Variants in BRIP1 observed in about 807,000 individuals in gnomAD.
BRIP1 encodes BRCA1 interacting DNA helicase 1, also known as Fanconi anemia group J protein.
Under a neutral mutation model 119.7 loss-of-function variants are expected in BRIP1, and 88 were observed. That is an observed-to-expected ratio of 0.74 (90% confidence interval 0.62 to 0.88). BRIP1 has a LOEUF of 0.88. BRIP1 is among the 40% of genes least tolerant of loss of function. The probability of loss-of-function intolerance (pLI) is 0.00; values close to 1 mark genes in which losing one functional copy is unlikely to be tolerated. For synonymous variants in BRIP1, 443 were observed against 496.5 expected, an observed-to-expected ratio of 0.89 and a Z score of 1.43; for missense variants, 1,259 against 1,455.4, an observed-to-expected ratio of 0.87 and a Z score of 2.20.
At chr17:61,819,265 C>CA (rs1480205252) in intron 6 of BRIP1, among the ~76,000 whole-genome samples, 1 of 151,630 alleles carries the variant, frequency 6.6e-6, no homozygotes, top group African/African-American at 2.4e-5. Context: ...AGGGAACCCT[C>CA]ATACACCGTT....
chr17:61,778,783 C>A lies in BRIP1; in HGVS notation c.1935+1478G>T, dbSNP rs1439085938. ...ACATTTCTCAGCAGGAACACTCTGG[C>A]ATTTGGAAAGCACAATTCTTAGTTA... is the stretch of plus-strand genomic sequence containing the variant. On this transcript the variant is annotated intron_variant, in intron 13 of 19. Transcript: ENST00000259008. This position sits in a 1 kb window ranked among gnomAD's most constrained non-coding sequence, Gnocchi z 4.4. Among the ~76,000 whole-genome samples the A allele has an allele frequency of 6.6e-6, 1 of 152,294 alleles. No homozygotes were observed. The highest frequency in any genetic ancestry group is 1.9e-4 in the East Asian group (1 of 5,170).
intron 19 of BRIP1, chr17:61,685,091 T>G (rs9303450): frequency 0.61 from 93,092 of 152,128 alleles, 29,127 homozygotes; most frequent in Admixed American, 0.74. Context: ...GGCCAGATAG[T>G]AATATTTAGG....
rs1335084782 is a variant in BRIP1 at position 61,768,788 on chromosome 17, A to G, written c.2097+7613T>C. Reference sequence around the variant, plus strand: ...TAGATTATATTATGTAGTAAAGATGAGGGGATTTTATGAACGTAATTAAGG... The same window carrying G: ...TAGATTATATTATGTAGTAAAGATGGGGGGATTTTATGAACGTAATTAAGG... On this transcript the variant is annotated intron_variant, in intron 14 of 19. Transcript: ENST00000259008. The surrounding 1 kb of genome is among the most constrained non-coding windows in gnomAD (Gnocchi z 5.0). Among the ~76,000 whole-genome samples, 1 of 152,164 alleles carries G rather than the reference A, an allele frequency of 6.6e-6. No individual in the cohort carries two copies. Among genetic ancestry groups the G allele is most frequent in the African/African-American group, 2.4e-5 (1 of 41,450 alleles).
Position 61,742,549 on chromosome 17 carries a change from T to C in BRIP1, c.2379+464A>G, listed in dbSNP as rs1362802369. Reference sequence around the variant, plus strand: ...TCACTTGAACACTCTGGGGCCATTGTAGGGTTATTAACTGGCCTAATTTCA... The same window carrying C: ...TCACTTGAACACTCTGGGGCCATTGCAGGGTTATTAACTGGCCTAATTTCA... On this transcript the variant is annotated intron_variant, in intron 16 of 19. Coordinates refer to ENST00000259008, the MANE Select transcript of BRIP1 (RefSeq NM_032043.3). This position sits in a 1 kb window ranked among gnomAD's most constrained non-coding sequence, Gnocchi z 4.7. 1.3e-5 allele frequency among the ~76,000 whole-genome samples: 2 copies of C among 152,150 alleles called. No homozygotes were observed. The highest frequency in any genetic ancestry group is 2.4e-5 in the African/African-American group (1 of 41,416).
rs2077592112 is a variant in BRIP1, at chr17:61,780,201, AC to A, written c.1935+59del. On this transcript the variant is annotated intron_variant, in intron 13 of 19. Coordinates refer to ENST00000259008, the MANE Select transcript of BRIP1 (RefSeq NM_032043.3). This position sits in a 1 kb window ranked among gnomAD's most constrained non-coding sequence, Gnocchi z 5.4. ...ACTTCAGGTATCTTCTAACTTGTTTACATAGTTATATTGAAGTAGAAACACT... is the reference window on the plus strand; with the variant it reads ...ACTTCAGGTATCTTCTAACTTGTTTAATAGTTATATTGAAGTAGAAACACT... The A allele has an allele frequency of 6.5e-7, 1 of 1,529,484 alleles. No individual in the cohort carries two copies. Among genetic ancestry groups the A allele is most frequent in the South Asian group, 1.2e-5 (1 of 85,402 alleles). 94.7% of individuals were successfully genotyped at this position (1,529,484 alleles called of 1,614,324 possible). A position where few individuals can be genotyped will look rare whatever the true frequency, so the allele number is the denominator to read the frequency against.
rs2078505078 is a variant in BRIP1, at chr17:61,832,310, A to T, written c.627+14791T>A. On this transcript the variant is annotated intron_variant, in intron 6 of 19. Transcript: ENST00000259008. The surrounding 1 kb of genome is among the most constrained non-coding windows in gnomAD (Gnocchi z 5.5). Reference sequence around the variant, plus strand: ...AATTATAACTCACCGAATAAAATGGAAAATCACAAGTCCATAAAGATATAA... The same window carrying T: ...AATTATAACTCACCGAATAAAATGGTAAATCACAAGTCCATAAAGATATAA... 6.6e-6 allele frequency among the ~76,000 whole-genome samples: 1 copy of T among 152,228 alleles called. No individual in the cohort carries two copies. The highest frequency in any genetic ancestry group is 1.9e-4 in the East Asian group (1 of 5,206).
In BRIP1 at chr17:61,752,688, T is replaced by C. The variant is rs2077147462; in HGVS notation, c.2098-8097A>G. On this transcript the variant is annotated intron_variant, in intron 14 of 19. Transcript: ENST00000259008. This position sits in a 1 kb window ranked among gnomAD's most constrained non-coding sequence, Gnocchi z 6.2. ...AATAGGCCAATCATCATACTTTTTC[T>C]TCATTAATCAGTGAGTTTAATAAAA... 6.6e-6 allele frequency among the ~76,000 whole-genome samples: 1 copy of C among 152,264 alleles called. No homozygotes were observed. Among genetic ancestry groups the C allele is most frequent in the African/African-American group, 2.4e-5 (1 of 41,474 alleles).
intron 6 of BRIP1, among the ~76,000 whole-genome samples, chr17:61,839,050 A>G (rs1325847710): frequency 6.6e-6 from 1 of 152,130 alleles, no homozygotes; most frequent in East Asian, 1.9e-4. Context: ...AGCAGAAACC[A>G]AAGTAATTTC....
rs879795653 is a variant in BRIP1, at chr17:61,844,715, A to G, written c.627+2386T>C. 6.6e-6 allele frequency among the ~76,000 whole-genome samples: 1 copy of G among 152,248 alleles called. No individual in the cohort carries two copies. Among genetic ancestry groups the G allele is most frequent in the African/African-American group, 2.4e-5 (1 of 41,472 alleles). On this transcript the variant is annotated intron_variant, in intron 6 of 19. Coordinates refer to ENST00000259008, the MANE Select transcript of BRIP1 (RefSeq NM_032043.3). This position sits in a 1 kb window ranked among gnomAD's most constrained non-coding sequence, Gnocchi z 4.7. ...TTCCTTATCTTGGTGTTAGAACCCT[A>G]TTTAGGTGGCTCCAGGACTGCAAAG... is the stretch of plus-strand genomic sequence containing the variant.
At chr17:61,777,177 A>G (rs2077547661) in intron 13 of BRIP1, among the ~76,000 whole-genome samples, 1 of 152,246 alleles carries the variant, frequency 6.6e-6, no homozygotes, top group Non-Finnish European at 1.5e-5. Context: ...TATTAATATT[A>G]TCTTTCCAAC....
Position 61,744,022 on chromosome 17 carries a change from G to C in BRIP1, c.2257+410C>G, listed in dbSNP as rs1173595720. On this transcript the variant is annotated intron_variant, in intron 15 of 19. Coordinates refer to ENST00000259008, the MANE Select transcript of BRIP1 (RefSeq NM_032043.3). The surrounding 1 kb of genome is among the most constrained non-coding windows in gnomAD (Gnocchi z 5.0). ...CTCTTCATGGATATGCTCTAACTTGGAATTGAGTTTTCAGTTATGTTTTGA... is the reference window on the plus strand; with the variant it reads ...CTCTTCATGGATATGCTCTAACTTGCAATTGAGTTTTCAGTTATGTTTTGA... Among the ~76,000 whole-genome samples the C allele has an allele frequency of 6.6e-6, 1 of 152,092 alleles. No homozygotes were observed. Among genetic ancestry groups the C allele is most frequent in the Non-Finnish European group, 1.5e-5 (1 of 68,022 alleles).
rs529444285 is a variant in BRIP1 at position 61,720,823 on chromosome 17, G to A, written c.2380-4760C>T. On this transcript the variant is annotated intron_variant, in intron 16 of 19. Transcript: ENST00000259008. The surrounding 1 kb of genome is among the most constrained non-coding windows in gnomAD (Gnocchi z 4.3). ...CTCAAGAAAAAACAAAGTATTTTCC[G>A]TGTACTCTATAACACTGTTAACTTT... Among the ~76,000 whole-genome samples, 21 of 152,106 alleles carry A rather than the reference G, an allele frequency of 1.4e-4. No homozygotes were observed. Among genetic ancestry groups the A allele is most frequent in the South Asian group, 1.0e-3 (5 of 4,800 alleles).
chr17:61,786,003 T>C (rs2077699877), intron 10 of BRIP1, among the ~76,000 whole-genome samples: 1 of 152,050 alleles, frequency 6.6e-6, no homozygotes, highest in South Asian at 2.1e-4. Flanking sequence ...TTAGGAAACA[T>C]ACATAAAGCT....
At chr17:61,731,816 T>C (rs1262521830) in intron 16 of BRIP1, among the ~76,000 whole-genome samples, 1 of 151,858 alleles carries the variant, frequency 6.6e-6, no homozygotes, top group Non-Finnish European at 1.5e-5. Flanking sequence ...TATTCCTTGC[T>C]AGACTATAAG....
Position 61,861,632 on chromosome 17 carries a change from A to C in BRIP1, c.-30-63T>G. The C allele has an allele frequency of 1.1e-6, 1 of 879,068 alleles. No homozygotes were observed. The highest frequency in any genetic ancestry group is 1.9e-6 in the Non-Finnish European group (1 of 525,518). 54.5% of individuals were successfully genotyped at this position (879,068 alleles called of 1,614,324 possible). A position where few individuals can be genotyped will look rare whatever the true frequency, so the allele number is the denominator to read the frequency against. ...CCTTACAAAGAAAACCAGAGAACCA[A>C]AACTAAGGGAGAAATCTGGAAACAG... On this transcript the variant is annotated intron_variant, in intron 1 of 19. Transcript: ENST00000259008. This position sits in a 1 kb window ranked among gnomAD's most constrained non-coding sequence, Gnocchi z 4.5.
chr17:61,820,715 C>G (rs561389241), intron 6 of BRIP1, among the ~76,000 whole-genome samples: 1 of 151,950 alleles, frequency 6.6e-6, no homozygotes, highest in Non-Finnish European at 1.5e-5. Context: ...TTTGGGAGAC[C>G]GAGGGGAGTG....
chr17:61,765,408 TA>T (rs1567798951), intron 14 of BRIP1, among the ~76,000 whole-genome samples: 33 of 17,232 alleles, frequency 1.9e-3, no homozygotes, highest in African/African-American at 2.4e-3. Flanking sequence ...TATATATATA[TA>T]TATATATATA....
chr17:61,839,030 G>A (rs1214053092), intron 6 of BRIP1, among the ~76,000 whole-genome samples: 1 of 151,888 alleles, frequency 6.6e-6, no homozygotes, highest in Non-Finnish European at 1.5e-5. Context: ...CAAAGACTAA[G>A]AAATGTTACA....
chr17:61,833,092 G>A (rs1384963476), intron 6 of BRIP1, among the ~76,000 whole-genome samples: 1 of 152,192 alleles, frequency 6.6e-6, no homozygotes, highest in Non-Finnish European at 1.5e-5. Flanking sequence ...CAAAGGTAAA[G>A]TTATCTTTCC....
Sources: gnomAD v4.1 joint callset for allele counts (sites outside exome capture counted in the v4.1 genomes callset) on GRCh38, gnomAD v4.1.1 for gene constraint, Gnocchi (gnomAD v3.1) non-coding constraint, MANE v1.5 for transcripts, NCBI Gene and HGNC (gene_info 2026-07-23, HGNC 2026-07-21) for gene names.